The following ACTA2 variants were observed in gnomAD, a reference collection of about 807,000 sequenced individuals.
ACTA2 encodes the protein actin alpha 2, smooth muscle.
A neutral mutation model predicts 39.5 loss-of-function variants in ACTA2; 12 were observed. The observed-to-expected ratio is 0.30, with a 90% CI of 0.19 to 0.49. The LOEUF is 0.49. Among genes scored for constraint, ACTA2 ranks in the 20% least tolerant of loss-of-function variants. ACTA2 has a pLI of 0.99. For missense variants in ACTA2, 236 were observed against 498.8 expected, an observed-to-expected ratio of 0.47 and a Z score of 5.02; for synonymous variants, 158 against 180.6, an observed-to-expected ratio of 0.88 and a Z score of 1.00.
chr10:88,979,668 T>C (rs917564863), intron 1 of ACTA2, among the ~76,000 whole-genome samples: 8 of 152,062 alleles, frequency 5.3e-5, no homozygotes, highest in Admixed American at 4.6e-4. Flanking sequence ...ACAGCATAAA[T>C]GCCATGGTTT....
rs373490275 is a variant in ACTA2, at chr10:88,938,290, A to G, written c.809-48T>C. The G allele has an allele frequency of 4.3e-5, 69 of 1,605,386 alleles. No homozygotes were observed. In the African/African-American group the frequency reaches 8.3e-4, roughly 19 times the overall value. ...GGTCCTTAAGTGGAGAGTAAAACCCAGGCTAGACATGGAAGACCAGACTTG... is the reference window on the plus strand; with the variant it reads ...GGTCCTTAAGTGGAGAGTAAAACCCGGGCTAGACATGGAAGACCAGACTTG... On this transcript the variant is annotated intron_variant, in intron 7 of 8. Coordinates refer to ENST00000224784, the MANE Select transcript of ACTA2 (RefSeq NM_001613.4).
chr10:88,980,273 C>A (rs1846678842), intron 1 of ACTA2, among the ~76,000 whole-genome samples: 1 of 152,088 alleles, frequency 6.6e-6, no homozygotes, highest in Admixed American at 6.5e-5. Context: ...ATTTGAAGAG[C>A]ATCTGGGAAG....
In ACTA2 at chr10:88,947,857, A is replaced by C. The variant is rs373283858; in HGVS notation, c.130-471T>G. ...AAAAGAATATGAGCATTATTTTCTA[A>C]CTATTATAAGCAAAAGCATTGCATC... On this transcript the variant is annotated intron_variant, in intron 2 of 8. Coordinates refer to ENST00000224784, the MANE Select transcript of ACTA2 (RefSeq NM_001613.4). 2.6e-5 allele frequency among the ~76,000 whole-genome samples: 4 copies of C among 152,354 alleles called. No individual in the cohort carries two copies. The East Asian group carries it at 7.7e-4, about 29-fold the overall frequency.
chr10:88,948,950 G>A lies in ACTA2; in HGVS notation c.-20C>T. The A allele has an allele frequency of 6.2e-7, 1 of 1,613,386 alleles. No individual in the cohort carries two copies. Among genetic ancestry groups the A allele is most frequent in the African/African-American group, 1.3e-5 (1 of 75,006 alleles). On this transcript the variant is annotated 5_prime_UTR_variant, in exon 2 of 9. Coordinates refer to ENST00000224784, the MANE Select transcript of ACTA2 (RefSeq NM_001613.4). The stretch of plus-strand genomic sequence containing the variant: ...ACACATAGCTGGAGCTGCTTCACAG[G>A]ATTCTATAGAAAACAGGGAGGAAGC...
intron 1 of ACTA2, among the ~76,000 whole-genome samples, chr10:88,962,730 C>G (rs968506750): frequency 6.6e-6 from 1 of 151,668 alleles, no homozygotes; most frequent in Non-Finnish European, 1.5e-5. Context: ...GTGTATTACT[C>G]TGTTCTCATG....
chr10:88,970,317 A>G (rs1001727982), intron 1 of ACTA2, among the ~76,000 whole-genome samples: 4 of 152,160 alleles, frequency 2.6e-5, no homozygotes, highest in African/African-American at 4.8e-5. Flanking sequence ...AAATTCCAGT[A>G]AAGTCTTATT....
At chr10:88,982,547 C>T (rs548824102) in intron 1 of ACTA2, among the ~76,000 whole-genome samples, 33 of 152,140 alleles carry the variant, frequency 2.2e-4, no homozygotes, top group African/African-American at 7.7e-4. Context: ...GGGGGGAATT[C>T]ATGGACATTT....
upstream of ACTA2, among the ~76,000 whole-genome samples, chr10:88,954,888 A>C (rs1846108174): frequency 6.6e-6 from 1 of 152,140 alleles, no homozygotes; most frequent in Admixed American, 6.6e-5. Context: ...TCAGTGAGAG[A>C]AACCAGCACT....
At chr10:88,979,978 G>C (rs1213322479) in intron 1 of ACTA2, among the ~76,000 whole-genome samples, 1 of 152,228 alleles carries the variant, frequency 6.6e-6, no homozygotes, top group African/African-American at 2.4e-5. Flanking sequence ...GAGCTTGACA[G>C]ATGCAGAAAA....
chr10:88,979,518 A>G (rs1433244373), intron 1 of ACTA2, among the ~76,000 whole-genome samples: 3 of 152,248 alleles, frequency 2.0e-5, no homozygotes, highest in Non-Finnish European at 4.4e-5. Context: ...GTAGGCAGCA[A>G]TAACCCTAAT....
In ACTA2 at chr10:88,950,455, A is replaced by G. The variant is rs141642349; in HGVS notation, c.-23-1502T>C. 5.4e-3 allele frequency among the ~76,000 whole-genome samples: 830 copies of G among 152,362 alleles called. 3 individuals are homozygous for G. The highest frequency in any genetic ancestry group is 0.014 in the Middle Eastern group (4 of 294). The stretch of plus-strand genomic sequence containing the variant: ...AACATTCCCACAAAATCAAACCTGC[A>G]TCTTGCCAAAGGCCTAAAACTTCCT... On this transcript the variant is annotated intron_variant, in intron 1 of 8. Transcript: ENST00000224784.
chr10:88,957,535 C>A (rs12258754), upstream of ACTA2, among the ~76,000 whole-genome samples: 2 of 151,970 alleles, frequency 1.3e-5, no homozygotes, highest in Admixed American at 6.6e-5. Flanking sequence ...CCCCAACTCA[C>A]AACTAATATG....
intron 6 of ACTA2, 139 bp downstream of exon 6, chr10:88,941,090 G>T: frequency 1.9e-6 from 2 of 1,038,658 alleles, no homozygotes; most frequent in Non-Finnish European, 2.9e-6. Flanking sequence ...AGAAAGATGT[G>T]CTTTGCTCTG....
intron 1 of ACTA2, among the ~76,000 whole-genome samples, chr10:88,952,471 A>G (rs985997334): frequency 2.0e-5 from 3 of 152,242 alleles, no homozygotes; most frequent in Non-Finnish European, 4.4e-5. Flanking sequence ...TTTAGGATGA[A>G]CATTTTACAG....
chr10:88,948,676 T>C lies in ACTA2; in HGVS notation c.129+126A>G, dbSNP rs76011400. 2.1e-3 allele frequency: 2,794 copies of C among 1,314,882 alleles called. 43 individuals carry two copies. The African/African-American group carries it at 0.034, about 16-fold the overall frequency. The allele number at this position is 1,314,882 out of a possible 1,614,324, so 81.5% of individuals were successfully genotyped here. A position where few individuals can be genotyped will look rare whatever the true frequency, so the allele number is the denominator to read the frequency against. On this transcript the variant is annotated intron_variant, in intron 2 of 8. Transcript: ENST00000224784. Reference sequence around the variant, plus strand: ...GCATTTACTCCTGGACCTTAATCATTAGAGGTCTATTTGTAACAAGGTTAC... The same window carrying C: ...GCATTTACTCCTGGACCTTAATCATCAGAGGTCTATTTGTAACAAGGTTAC...
In ACTA2 at chr10:88,941,836, A is replaced by G. The variant is rs751300489; in HGVS notation, c.403T>C (p.Tyr135His). 1.6e-5 allele frequency: 26 copies of G among 1,613,134 alleles called. No homozygotes were observed. The highest frequency in any genetic ancestry group is 3.3e-4 in the Middle Eastern group (2 of 6,080). ...GACAGCACCGCCTGGATAGCCACAT[A>G]CATGGCTGGGACATTGAAAGTCTCA... Reference protein sequence around the residue: ...MFETFNVPAMYVAIQAVLSLY... With the variant: ...MFETFNVPAMHVAIQAVLSLY... The change falls in exon 5 of 9, where the codon TAT becomes CAT. Residue 135 changes from tyrosine (Y) to histidine (H), a missense_variant. Tyr to His is a moderately conservative substitution (Grantham distance 83). Coordinates refer to ENST00000224784, the MANE Select transcript of ACTA2 (RefSeq NM_001613.4).
chr10:88,964,055 T>C (rs766490114), intron 1 of ACTA2, among the ~76,000 whole-genome samples: 1 of 152,042 alleles, frequency 6.6e-6, no homozygotes, highest in Non-Finnish European at 1.5e-5. Context: ...TTTTATATTT[T>C]TTTATTTTAT....
intron 4 of ACTA2, among the ~76,000 whole-genome samples, chr10:88,942,661 C>A (rs1845876900): frequency 6.6e-6 from 1 of 152,158 alleles, no homozygotes; most frequent in Non-Finnish European, 1.5e-5. Context: ...CGTGGGTCTT[C>A]ATTTCTCCAT....
intron 1 of ACTA2, among the ~76,000 whole-genome samples, chr10:88,980,234 C>A (rs537061945): frequency 6.6e-6 from 1 of 152,048 alleles, no homozygotes; most frequent in South Asian, 2.1e-4. Flanking sequence ...TTTAAATGTA[C>A]AACTAAGAAG....
Sources: allele counts gnomAD v4.1 joint callset (sites outside exome capture counted in the v4.1 genomes callset), GRCh38; gene constraint gnomAD v4.1.1; transcripts MANE v1.5; gene names NCBI Gene and HGNC (gene_info 2026-07-23, HGNC 2026-07-21).